Variants in DAB1 observed in about 807,000 individuals in gnomAD.
The protein encoded by DAB1 is DAB adaptor protein 1, also known as disabled homolog 1.
Under a neutral mutation model 64.6 loss-of-function variants are expected in DAB1, and 15 were observed. The ratio of observed to expected loss-of-function variants is 0.23; its 90% CI spans 0.16 to 0.36. The LOEUF is 0.36. Among genes scored for constraint, DAB1 ranks in the 10% least tolerant of loss-of-function variants. The pLI is 1.00. For synonymous variants in DAB1, 235 were observed against 251.9 expected, an observed-to-expected ratio of 0.93 and a Z score of 0.64; for missense variants, 596 against 706.7, an observed-to-expected ratio of 0.84 and a Z score of 1.78.
chr1:58,307,522 T>A (rs78018461), intron 4 of DAB1, among the ~76,000 whole-genome samples: 5,455 of 152,260 alleles, frequency 0.036, 344 homozygotes, highest in African/African-American at 0.12. Flanking sequence ...AGATTCATTC[T>A]TTCATGCATG....
chr1:57,055,063 G>C (rs539572632), intron 9 of DAB1, among the ~76,000 whole-genome samples: 1 of 152,076 alleles, frequency 6.6e-6, no homozygotes, highest in Admixed American at 6.5e-5. Context: ...TGAAACCTCC[G>C]TGTCTCTCCA....
intron 4 of DAB1, among the ~76,000 whole-genome samples, chr1:57,119,134 T>A (rs1656410540): frequency 6.6e-6 from 1 of 152,204 alleles, no homozygotes; most frequent in East Asian, 1.9e-4. Context: ...AGTGATTTGA[T>A]TCTCTTCAAC....
intron 14 of DAB1, among the ~76,000 whole-genome samples, chr1:57,010,106 T>G (rs1436039306): frequency 6.6e-6 from 1 of 152,204 alleles, no homozygotes; most frequent in African/African-American, 2.4e-5. Flanking sequence ...TTTTTGCTTC[T>G]TAGTCTGGCT....
At chr1:58,327,659 A>G (rs982629271) in intron 4 of DAB1, among the ~76,000 whole-genome samples, 1 of 152,254 alleles carries the variant, frequency 6.6e-6, no homozygotes, top group Admixed American at 6.5e-5. Context: ...GGGAAGTGAC[A>G]TTTAAGTTAG....
At chr1:58,112,851 C>G (rs750653967) in intron 5 of DAB1, among the ~76,000 whole-genome samples, 1 of 152,098 alleles carries the variant, frequency 6.6e-6, no homozygotes, top group African/African-American at 2.4e-5. Context: ...TGATGCCCCA[C>G]GCAGAAAATG....
chr1:58,091,507 T>A (rs1650654054), intron 5 of DAB1, among the ~76,000 whole-genome samples: 1 of 152,184 alleles, frequency 6.6e-6, no homozygotes, highest in Non-Finnish European at 1.5e-5. Context: ...TAGGCAGTAT[T>A]AGCGTCATTT....
chr1:57,409,514 T>G (rs1353904238), intron 1 of DAB1, among the ~76,000 whole-genome samples: 1 of 152,142 alleles, frequency 6.6e-6, no homozygotes, highest in African/African-American at 2.4e-5. Flanking sequence ...AGGTTAACTT[T>G]AAACCAGCAT....
At chr1:58,508,004 T>A (rs1485284484) in intron 2 of DAB1, among the ~76,000 whole-genome samples, 3 of 152,234 alleles carry the variant, frequency 2.0e-5, no homozygotes, top group South Asian at 2.1e-4. Flanking sequence ...ACTTATCTAA[T>A]TTTTTTAGCC....
At chr1:57,176,656 A>G (rs903652591) in intron 2 of DAB1, among the ~76,000 whole-genome samples, 1 of 152,118 alleles carries the variant, frequency 6.6e-6, no homozygotes, top group African/African-American at 2.4e-5. Flanking sequence ...TATTACTAGG[A>G]CAATTTGGCT....
chr1:57,978,986 A>G (rs1557591609), intron 5 of DAB1, among the ~76,000 whole-genome samples: 1 of 152,206 alleles, frequency 6.6e-6, no homozygotes, highest in African/African-American at 2.4e-5. Flanking sequence ...TAGTTCAACC[A>G]TTGTGGAAGA....
At chr1:58,232,815 T>C (rs1201965237) in intron 4 of DAB1, among the ~76,000 whole-genome samples, 2 of 152,176 alleles carry the variant, frequency 1.3e-5, no homozygotes, top group Non-Finnish European at 2.9e-5. Context: ...CAATCAAATA[T>C]CACCTTCTCG....
intron 5 of DAB1, among the ~76,000 whole-genome samples, chr1:57,978,687 C>A (rs1051624927): frequency 2.0e-5 from 3 of 152,080 alleles, no homozygotes; most frequent in African/African-American, 7.2e-5. Context: ...GGCTAATATC[C>A]AGAATCCACA....
At chr1:57,097,564 C>G (rs909391118) in intron 4 of DAB1, among the ~76,000 whole-genome samples, 7 of 152,102 alleles carry the variant, frequency 4.6e-5, no homozygotes, top group African/African-American at 1.7e-4. Context: ...ATGACACAGG[C>G]AGCAAATGTC....
At chr1:58,024,047 T>C (rs1209246449) in intron 5 of DAB1, among the ~76,000 whole-genome samples, 5 of 152,178 alleles carry the variant, frequency 3.3e-5, no homozygotes, top group Non-Finnish European at 7.4e-5. Flanking sequence ...TTTTATTAAT[T>C]TGTTTGTCAA....
intron 7 of DAB1, among the ~76,000 whole-genome samples, chr1:57,513,479 A>G (rs574946740): frequency 9.3e-4 from 141 of 152,214 alleles, no homozygotes; most frequent in African/African-American, 3.2e-3. Flanking sequence ...TTAATAATCA[A>G]TATGTTTGAT....
intron 7 of DAB1, among the ~76,000 whole-genome samples, chr1:57,526,152 G>A (rs977778836): frequency 2.6e-5 from 4 of 152,032 alleles, no homozygotes; most frequent in Non-Finnish European, 4.4e-5. Context: ...TGGCCAGGCT[G>A]GTCTCAAACC....
Position 58,056,146 on chromosome 1 carries a change from G to A in DAB1, n.387+94365C>T, listed in dbSNP as rs763081638. On this transcript the variant is annotated intron_variant and non_coding_transcript_variant, in intron 5 of 20. Transcript: ENST00000485760. ...GAACTCAGCTCCTTACATGGGCTTT[G>A]GTGGGGGACGTGGGGCAGCACCCGC... The A allele has an allele frequency of 4.3e-6, 6 of 1,392,804 alleles. No homozygotes were observed. The South Asian group carries it at 5.8e-5, about 13-fold the overall frequency. 86.3% of individuals were successfully genotyped at this position (1,392,804 alleles called of 1,614,324 possible).
At position 58,464,416 on chromosome 1, in the gene DAB1, C is replaced by T. The variant is rs547508445; in HGVS notation, n.257+41644G>A. Among the ~76,000 whole-genome samples the T allele has an allele frequency of 4.8e-4, 73 of 152,180 alleles. 1 individual carries two copies. The highest frequency in any genetic ancestry group is 6.8e-3 in the Middle Eastern group (2 of 294). ...GGATGGAATGAAGTGGGATCGTGTCCCCTGTCCTTGAGGTTTTTATATTCT... is the reference window on the plus strand; with the variant it reads ...GGATGGAATGAAGTGGGATCGTGTCTCCTGTCCTTGAGGTTTTTATATTCT... On this transcript the variant is annotated intron_variant and non_coding_transcript_variant, in intron 3 of 20. Coordinates refer to the DAB1 transcript ENST00000485760.
At chr1:57,530,861 C>G (rs185479865) in intron 7 of DAB1, among the ~76,000 whole-genome samples, 44 of 152,168 alleles carry the variant, frequency 2.9e-4, no homozygotes, top group Admixed American at 5.9e-4. Context: ...CGGAGAGTAC[C>G]CTGGTAACAG....
Sources: allele counts gnomAD v4.1 joint callset (sites outside exome capture counted in the v4.1 genomes callset), GRCh38; gene constraint gnomAD v4.1.1; transcripts MANE v1.5; gene names NCBI Gene and HGNC (gene_info 2026-07-23, HGNC 2026-07-21).